The following SNTG1 variants were observed in gnomAD, a reference collection of about 807,000 sequenced individuals.
The protein encoded by SNTG1 is syntrophin gamma 1.
Under a neutral mutation model 74.7 loss-of-function variants are expected in SNTG1, and 39 were observed. The ratio of observed to expected loss-of-function variants is 0.52; its 90% confidence interval spans 0.40 to 0.68. SNTG1 has a LOEUF of 0.68. SNTG1 is among the 30% of genes least tolerant of loss of function. The probability of loss-of-function intolerance (pLI) is 0.00; values close to 1 mark genes in which losing one functional copy is unlikely to be tolerated. For missense variants in SNTG1, 685 were observed against 609.5 expected (o/e 1.12, Z -1.30); for synonymous variants, 254 against 217.1 (o/e 1.17, Z -1.49).
chr8:50,715,585 A>G (rs2131576124), intron 17 of SNTG1, among the ~76,000 whole-genome samples: 1 of 152,304 alleles, frequency 6.6e-6, no homozygotes, highest in Admixed American at 6.5e-5. Flanking sequence ...ACAGGTTATA[A>G]GCTACTGTAT....
chr8:50,696,185 T>A (rs2095404540), intron 15 of SNTG1, among the ~76,000 whole-genome samples: 1 of 152,124 alleles, frequency 6.6e-6, no homozygotes, highest in Non-Finnish European at 1.5e-5. Flanking sequence ...GGTATCTCAC[T>A]GTGGCTTAAA....
At chr8:50,603,656 G>C (rs1174969969) in intron 13 of SNTG1, among the ~76,000 whole-genome samples, 1 of 152,008 alleles carries the variant, frequency 6.6e-6, no homozygotes, top group Non-Finnish European at 1.5e-5. Context: ...TTTCTTTCTT[G>C]GGGAGGCTTT....
chr8:50,487,699 G>GT lies in SNTG1; in HGVS notation c.364-15079_364-15078insT, dbSNP rs972849773. 2.5e-3 allele frequency among the ~76,000 whole-genome samples: 335 copies of GT among 135,484 alleles called. 1 individual carries two copies. The highest frequency in any genetic ancestry group is 2.5e-3 in the Non-Finnish European group (148 of 60,302). 88.9% of individuals were successfully genotyped at this position (135,484 alleles called of 152,430 possible). On this transcript the variant is annotated intron_variant, in intron 8 of 18. Transcript: ENST00000642720. ...CTGGGGACTGTTGTGGGGTCGGAGG[G>GT]GGGGGAGGGATAGCACTGGGAGATA...
chr8:50,431,290 G>A (rs1225638806), intron 4 of SNTG1, among the ~76,000 whole-genome samples: 3 of 152,120 alleles, frequency 2.0e-5, no homozygotes, highest in Non-Finnish European at 4.4e-5. Flanking sequence ...TTTGTCAGTT[G>A]TAACAAATGT....
intron 8 of SNTG1, among the ~76,000 whole-genome samples, chr8:50,484,889 GAA>G (rs1352453108): frequency 6.6e-6 from 1 of 151,844 alleles, no homozygotes; most frequent in East Asian, 1.9e-4. Flanking sequence ...AAAAGAAAAA[GAA>G]AGAAATATGC....
intron 1 of SNTG1, among the ~76,000 whole-genome samples, chr8:50,016,640 T>C (rs2130630509): frequency 6.6e-6 from 1 of 152,284 alleles, no homozygotes; most frequent in Admixed American, 6.5e-5. Flanking sequence ...CTCTCCTGAT[T>C]TATAACCCAT....
chr8:50,755,418 C>A (rs1429289139), intron 18 of SNTG1, among the ~76,000 whole-genome samples: 2 of 151,790 alleles, frequency 1.3e-5, no homozygotes, highest in African/African-American at 4.8e-5. Flanking sequence ...TCTTCCATGT[C>A]TTTTCATGAC....
In SNTG1 at chr8:50,012,766, A is replaced by G. The variant is rs77923455; in HGVS notation, c.-103+100535A>G. On this transcript the variant is annotated intron_variant, in intron 1 of 18. Transcript: ENST00000642720. ...GAGTCTTTATTGTGGTTTGTCTGTG[A>G]AGGAATGGGTGAGGCAAAGTAAATG... Among the ~76,000 whole-genome samples, 19 of 152,182 alleles carry G rather than the reference A, an allele frequency of 1.2e-4. No homozygotes were observed. The East Asian group carries it at 3.7e-3, about 30-fold the overall frequency.
chr8:50,165,770 T>C (rs188213613), intron 1 of SNTG1, among the ~76,000 whole-genome samples: 89 of 152,306 alleles, frequency 5.8e-4, no homozygotes, highest in African/African-American at 1.7e-3. Context: ...CATACATTTG[T>C]CATATAACCA....
Position 49,970,333 on chromosome 8 carries a change from T to A in SNTG1, c.-103+58102T>A, listed in dbSNP as rs75030343. ...ACATACACTGAAATATGTTGCTTTG[T>A]TTTAGAAACACATGTACTTCCTGTT... On this transcript the variant is annotated intron_variant, in intron 1 of 18. Coordinates refer to ENST00000642720, the MANE Select transcript of SNTG1 (RefSeq NM_018967.5). Among the ~76,000 whole-genome samples, 344 of 152,294 alleles carry A rather than the reference T, an allele frequency of 2.3e-3. 3 individuals are homozygous for A. The highest frequency in any genetic ancestry group is 4.2e-3 in the Non-Finnish European group (283 of 68,028).
intron 5 of SNTG1, among the ~76,000 whole-genome samples, chr8:50,444,523 G>A (rs1026892225): frequency 3.9e-5 from 6 of 152,088 alleles, no homozygotes; most frequent in African/African-American, 1.2e-4. Flanking sequence ...AAGCCAAGGC[G>A]GGTGGATCAC....
At chr8:50,031,916 A>G (rs1457701184) in intron 1 of SNTG1, among the ~76,000 whole-genome samples, 1 of 152,058 alleles carries the variant, frequency 6.6e-6, no homozygotes, top group East Asian at 1.9e-4. Context: ...CCAATAAACC[A>G]CTAAGCTTAT....
At chr8:50,167,594 T>C (rs1477505930) in intron 1 of SNTG1, among the ~76,000 whole-genome samples, 1 of 150,470 alleles carries the variant, frequency 6.6e-6, no homozygotes, top group Non-Finnish European at 1.5e-5. Context: ...CCCACGAGTT[T>C]GAGGCCAGCC....
At chr8:50,630,670 G>A (rs2094990822) in intron 13 of SNTG1, among the ~76,000 whole-genome samples, 1 of 152,166 alleles carries the variant, frequency 6.6e-6, no homozygotes. Context: ...TCAGTCACCT[G>A]CACCTAGACC....
intron 13 of SNTG1, among the ~76,000 whole-genome samples, chr8:50,611,808 C>T (rs1473381734): frequency 6.6e-6 from 1 of 152,062 alleles, no homozygotes; most frequent in African/African-American, 2.4e-5. Context: ...ACTCTGTCAC[C>T]CAGTCTGGAG....
intron 1 of SNTG1, among the ~76,000 whole-genome samples, chr8:50,142,497 T>A (rs906381716): frequency 1.4e-5 from 2 of 147,668 alleles, no homozygotes; most frequent in South Asian, 4.3e-4. Flanking sequence ...ATATATATAT[T>A]TGGGTTGAAT....
chr8:50,654,663 A>T (rs959923116), intron 13 of SNTG1, among the ~76,000 whole-genome samples: 6 of 152,158 alleles, frequency 3.9e-5, no homozygotes, highest in African/African-American at 1.2e-4. Flanking sequence ...AACAAGTCTT[A>T]TGAAAATATA....
chr8:50,485,257 G>A (rs986199062), intron 8 of SNTG1, among the ~76,000 whole-genome samples: 5 of 152,132 alleles, frequency 3.3e-5, no homozygotes, highest in Admixed American at 6.5e-5. Flanking sequence ...ATCACACTAA[G>A]CAACGAGACA....
At chr8:50,655,920 G>A (rs10104963) in intron 13 of SNTG1, among the ~76,000 whole-genome samples, 31,941 of 152,028 alleles carry the variant, frequency 0.21, 3,713 homozygotes, top group African/African-American at 0.3. Flanking sequence ...CTGAGCTCTG[G>A]TCTGCTGGCA....
Sources: allele counts gnomAD v4.1 joint callset (sites outside exome capture counted in the v4.1 genomes callset), GRCh38; gene constraint gnomAD v4.1.1; transcripts MANE v1.5; gene names NCBI Gene and HGNC (gene_info 2026-07-23, HGNC 2026-07-21).